Variants in AP2B1 observed in about 807,000 individuals in gnomAD.
The protein encoded by AP2B1 is AP-2 complex subunit beta.
Under a neutral mutation model 102.0 loss-of-function variants are expected in AP2B1, and 23 were observed. That is an observed-to-expected ratio of 0.23 (90% CI 0.16 to 0.32). The LOEUF is 0.32. Among genes scored for constraint, AP2B1 ranks in the 10% least tolerant of loss-of-function variants. The pLI, the probability that AP2B1 is intolerant of heterozygous loss-of-function variation, is 1.00. For synonymous variants in AP2B1, 381 were observed against 421.2 expected (o/e 0.90, Z 1.17); for missense variants, 541 against 1,157.4 (o/e 0.47, Z 7.73).
At chr17:35,649,906 T>C (rs2075042903) in intron 12 of AP2B1, among the ~76,000 whole-genome samples, 1 of 151,772 alleles carries the variant, frequency 6.6e-6, no homozygotes, top group Non-Finnish European at 1.5e-5. Flanking sequence ...GGACTACAGG[T>C]ACATGCGGCT....
intron 1 of AP2B1, among the ~76,000 whole-genome samples, chr17:35,591,734 AT>A (rs560596160): frequency 4.6e-5 from 7 of 152,326 alleles, no homozygotes; most frequent in Non-Finnish European, 5.9e-5. Context: ...TATGTGAAGA[AT>A]TCCTTTCTTC....
chr17:35,667,745 G>A (rs1176250954), intron 14 of AP2B1, among the ~76,000 whole-genome samples: 2 of 151,836 alleles, frequency 1.3e-5, no homozygotes, highest in African/African-American at 4.8e-5. Context: ...TTGCTGTTCT[G>A]TGCCAAGCAG....
intron 5 of AP2B1, among the ~76,000 whole-genome samples, chr17:35,615,566 A>G (rs534025832): frequency 3.1e-4 from 47 of 152,358 alleles, no homozygotes; most frequent in African/African-American, 1.0e-3. Context: ...TAAACTGCCT[A>G]TTAAAGGTAG....
At chr17:35,719,840 T>C (rs2085303294) in intron 21 of AP2B1, among the ~76,000 whole-genome samples, 1 of 152,120 alleles carries the variant, frequency 6.6e-6, no homozygotes, top group African/African-American at 2.4e-5. Flanking sequence ...TATTAAAACA[T>C]ATTTTTTTTA....
At position 35,720,612 on chromosome 17, in the gene AP2B1, AG is replaced by A. The variant is rs1205903929; in HGVS notation, c.2782-3010del. 4.8e-5 allele frequency among the ~76,000 whole-genome samples: 5 copies of A among 103,974 alleles called. No homozygotes were observed. The East Asian group carries it at 1.2e-3, about 25-fold the overall frequency. 68.2% of individuals were successfully genotyped at this position (103,974 alleles called of 152,430 possible). Reference sequence around the variant, plus strand: ...TTTTTTTTTTTTTTAATATAGAGATAGGGTCTCGCTATGTTGTGCAGGCTAT... The same window carrying A: ...TTTTTTTTTTTTTTAATATAGAGATAGGTCTCGCTATGTTGTGCAGGCTAT... On this transcript the variant is annotated intron_variant, in intron 21 of 21. Coordinates refer to ENST00000610402, the MANE Select transcript of AP2B1 (RefSeq NM_001030006.2).
At chr17:35,613,544 T>G (rs1461604358) in intron 5 of AP2B1, among the ~76,000 whole-genome samples, 1 of 152,224 alleles carries the variant, frequency 6.6e-6, no homozygotes, top group African/African-American at 2.4e-5. Flanking sequence ...AAAATCTCAC[T>G]CTATTAAGTC....
At chr17:35,607,771 C>A (rs2073731871) in intron 4 of AP2B1, 1 of 143,906 alleles carries the variant, frequency 6.9e-6, no homozygotes, top group Non-Finnish European at 1.4e-5. Flanking sequence ...CTTTACAGCT[C>A]CTCTTTTTTT....
intron 14 of AP2B1, among the ~76,000 whole-genome samples, chr17:35,668,243 C>T (rs1467030536): frequency 1.3e-5 from 2 of 152,038 alleles, no homozygotes; most frequent in South Asian, 2.1e-4. Flanking sequence ...GGCCTCTCTG[C>T]TCAAATCCTG....
At chr17:35,663,641 C>T (rs1268863723) in intron 14 of AP2B1, among the ~76,000 whole-genome samples, 1 of 152,160 alleles carries the variant, frequency 6.6e-6, no homozygotes, top group Admixed American at 6.5e-5. Flanking sequence ...AAATATGGCT[C>T]ATTGTCTTGC....
chr17:35,653,070 G>A (rs2075128702), intron 13 of AP2B1, among the ~76,000 whole-genome samples: 1 of 151,950 alleles, frequency 6.6e-6, no homozygotes, highest in African/African-American at 2.4e-5. Flanking sequence ...TCTCTTCTCT[G>A]ATTATTAATC....
At chr17:35,601,423 G>A (rs996222252) in intron 3 of AP2B1, among the ~76,000 whole-genome samples, 15 of 152,120 alleles carry the variant, frequency 9.9e-5, no homozygotes, top group Admixed American at 2.0e-4. Context: ...TCTGCCTCCC[G>A]GGTTCAAGGG....
chr17:35,682,659 G>A (rs755791495), intron 17 of AP2B1, 36 bp from the exon 18 acceptor site: 1 of 1,589,786 alleles, frequency 6.3e-7, no homozygotes, highest in Admixed American at 1.7e-5. Flanking sequence ...TCTGCCTCTT[G>A]ATTAACCTCT....
At chr17:35,650,205 C>T (rs1287327012) in intron 12 of AP2B1, among the ~76,000 whole-genome samples, 1 of 152,014 alleles carries the variant, frequency 6.6e-6, no homozygotes, top group East Asian at 1.9e-4. Flanking sequence ...CCACCTTGGC[C>T]TCCCAAAGTG....
At chr17:35,718,318 G>GTA in intron 21 of AP2B1, among the ~76,000 whole-genome samples, 2 of 76,584 alleles carry the variant, frequency 2.6e-5, no homozygotes, top group East Asian at 3.4e-4. Flanking sequence ...GTAGCTGTGT[G>GTA]TGTGTGTGTG....
Position 35,598,341 on chromosome 17 carries a change from A to C in AP2B1, c.143+6A>C. 1 of 1,589,604 alleles carries C rather than the reference A, an allele frequency of 6.3e-7. No individual in the cohort carries two copies. Among genetic ancestry groups the C allele is most frequent in the Non-Finnish European group, 8.6e-7 (1 of 1,160,086 alleles). On this transcript the variant is annotated splice_donor_region_variant and intron_variant, in intron 3 of 21. Coordinates refer to ENST00000610402, the MANE Select transcript of AP2B1 (RefSeq NM_001030006.2). ...ACCGTGGGGAAGGATGTTAGGTAAGAGTAATCACCCTTGCCATTGATCACT... is the reference window on the plus strand; with the variant it reads ...ACCGTGGGGAAGGATGTTAGGTAAGCGTAATCACCCTTGCCATTGATCACT...
At chr17:35,652,784 T>C (rs2075120232) in intron 13 of AP2B1, among the ~76,000 whole-genome samples, 1 of 152,224 alleles carries the variant, frequency 6.6e-6, no homozygotes, top group Admixed American at 6.5e-5. Flanking sequence ...AAGAAAAATA[T>C]GTGCATGATA....
chr17:35,611,233 G>A (rs186564875), intron 5 of AP2B1, among the ~76,000 whole-genome samples: 6 of 152,298 alleles, frequency 3.9e-5, no homozygotes, highest in Admixed American at 6.5e-5. Context: ...GATGAAAAGT[G>A]TTTGTGCTGC....
chr17:35,712,915 A>G (rs2076480772), intron 20 of AP2B1, among the ~76,000 whole-genome samples: 1 of 152,218 alleles, frequency 6.6e-6, no homozygotes, highest in Admixed American at 6.5e-5. Flanking sequence ...GAGAACAGAG[A>G]TAGACCAGAG....
chr17:35,619,239 G>A (rs1466809818), intron 5 of AP2B1, among the ~76,000 whole-genome samples: 1 of 152,130 alleles, frequency 6.6e-6, no homozygotes, highest in African/African-American at 2.4e-5. Flanking sequence ...GTTGTTATGA[G>A]GATTAATAGC....
Sources: allele counts gnomAD v4.1 joint callset (sites outside exome capture counted in the v4.1 genomes callset), GRCh38; gene constraint gnomAD v4.1.1; transcripts MANE v1.5; gene names NCBI Gene and HGNC (gene_info 2026-07-23, HGNC 2026-07-21).